LZTS1: variants seen among roughly 807,000 people sequenced by gnomAD.
LZTS1 encodes leucine zipper putative tumor suppressor 1.
LZTS1 carries 31 observed loss-of-function variants against 45.8 expected under a neutral mutation model. The ratio of observed to expected loss-of-function variants is 0.68; its 90% CI spans 0.51 to 0.91. LZTS1 has a LOEUF of 0.91. Ranked by LOEUF, LZTS1 falls within the 40% of genes least tolerant of loss-of-function variation. LZTS1 has a pLI of 0.00. For synonymous variants in LZTS1, 359 were observed against 357.3 expected (o/e 1.00, Z -0.05); for missense variants, 821 against 788.9 (o/e 1.04, Z -0.49).
intron 1 of LZTS1, among the ~76,000 whole-genome samples, chr8:20,260,614 T>C (rs1393950594): frequency 6.6e-6 from 1 of 152,122 alleles, no homozygotes; most frequent in Non-Finnish European, 1.5e-5. Context: ...AGAGGAGGAA[T>C]CAAAAGCAGA....
At chr8:20,296,235 G>A (rs1408090497) in intron 1 of LZTS1, among the ~76,000 whole-genome samples, 1 of 152,184 alleles carries the variant, frequency 6.6e-6, no homozygotes, top group Admixed American at 6.5e-5. Flanking sequence ...CCTTGGGCGG[G>A]GATGGCCTCA....
intron 1 of LZTS1, among the ~76,000 whole-genome samples, chr8:20,291,491 A>G (rs1199835010): frequency 2.0e-5 from 3 of 152,224 alleles, no homozygotes; most frequent in Non-Finnish European, 4.4e-5. Flanking sequence ...AATTTTCATA[A>G]AAATTCTATA....
At chr8:20,267,398 T>G (rs1800382984) in intron 1 of LZTS1, among the ~76,000 whole-genome samples, 1 of 152,184 alleles carries the variant, frequency 6.6e-6, no homozygotes, top group Non-Finnish European at 1.5e-5. Context: ...GCCTCACTCC[T>G]GCTCTGGGAC....
intron 1 of LZTS1, among the ~76,000 whole-genome samples, chr8:20,267,868 C>G (rs1800393338): frequency 6.6e-6 from 1 of 152,116 alleles, no homozygotes; most frequent in African/African-American, 2.4e-5. Context: ...AGGCCCTAGA[C>G]AAAAGATCCC....
intron 1 of LZTS1, among the ~76,000 whole-genome samples, chr8:20,260,530 G>A (rs927613430): frequency 6.6e-6 from 1 of 152,202 alleles, no homozygotes; most frequent in Non-Finnish European, 1.5e-5. Flanking sequence ...GGGACTGTAG[G>A]TGAGGCCCAG....
At chr8:20,270,073 CA>C (rs1268582385) in intron 1 of LZTS1, among the ~76,000 whole-genome samples, 1 of 152,254 alleles carries the variant, frequency 6.6e-6, no homozygotes, top group African/African-American at 2.4e-5. Flanking sequence ...GCGTCCCAGG[CA>C]GTCAAATGCG....
chr8:20,251,491 A>C (rs758015148), intron 3 of LZTS1, among the ~76,000 whole-genome samples: 2 of 152,196 alleles, frequency 1.3e-5, no homozygotes, highest in Non-Finnish European at 2.9e-5. Flanking sequence ...CTGTAGAGCC[A>C]CATGCTCTGG....
chr8:20,255,510 C>T (rs1317615316), intron 1 of LZTS1, among the ~76,000 whole-genome samples, 195 bp from the exon 2 acceptor site: 2 of 152,170 alleles, frequency 1.3e-5, no homozygotes, highest in Non-Finnish European at 2.9e-5. Context: ...TTCATGCAAG[C>T]CTCTACTCTA....
At chr8:20,299,793 C>A (rs1222585587) in intron 1 of LZTS1, among the ~76,000 whole-genome samples, 1 of 152,322 alleles carries the variant, frequency 6.6e-6, no homozygotes, top group East Asian at 1.9e-4. Flanking sequence ...CTCTCAACTG[C>A]AAGCCTAGGA....
At chr8:20,281,456 T>C (rs1212416681) in intron 1 of LZTS1, among the ~76,000 whole-genome samples, 2 of 151,332 alleles carry the variant, frequency 1.3e-5, no homozygotes, top group African/African-American at 4.9e-5. Context: ...ACCTGTAATC[T>C]CAGCTACTCG....
chr8:20,277,673 G>A (rs1429353459), intron 1 of LZTS1, among the ~76,000 whole-genome samples: 1 of 152,190 alleles, frequency 6.6e-6, no homozygotes, highest in Admixed American at 6.5e-5. Flanking sequence ...GGAGGAAGTA[G>A]GGTGGGGTGT....
chr8:20,252,671 G>T, intron 3 of LZTS1, 111 bp downstream of exon 3: 2 of 932,574 alleles, frequency 2.1e-6, no homozygotes, highest in Non-Finnish European at 3.0e-6. Flanking sequence ...CATTAGCCCC[G>T]CTTGCCTGCG....
In LZTS1 at chr8:20,252,786, C is replaced by T; in HGVS notation, c.1145G>A (p.Trp382Ter). Residue 382 changes from tryptophan to a stop codon, truncating the protein, a stop_gained, in exon 3 of 4, where the codon TGG becomes TAG. Coordinates refer to ENST00000381569, the MANE Select transcript of LZTS1 (RefSeq NM_021020.5). LOFTEE classifies it high-confidence loss of function. ...ATGAGCCCTGTGTGGCCTCACCTCC[C>T]ACTGGGTCTCCTCCAGCGCGGGGCC... ...SFGPALEETQ[W>*]EVCQKSGEIS... The T allele has an allele frequency of 1.3e-6, 2 of 1,514,706 alleles. No individual in the cohort carries two copies. Among genetic ancestry groups the T allele is most frequent in the Non-Finnish European group, 1.8e-6 (2 of 1,131,186 alleles). The allele number at this position is 1,514,706 out of a possible 1,614,324, so 93.8% of individuals were successfully genotyped here.
At chr8:20,266,559 C>G (rs182898530) in intron 1 of LZTS1, among the ~76,000 whole-genome samples, 18 of 152,028 alleles carry the variant, frequency 1.2e-4, no homozygotes, top group Non-Finnish European at 1.8e-4. Flanking sequence ...GCATCCACCC[C>G]CTTCCTCAAC....
At position 20,247,067 on chromosome 8, in the gene LZTS1, G is replaced by A. The variant is rs1799752427; in HGVS notation, c.*2655C>T. ...GGTCGCAGGATACTTGCATTCTAGT[G>A]CCACGGTGGGCCACTCTGGGGCGGG... On this transcript the variant is annotated 3_prime_UTR_variant, in exon 4 of 4. Coordinates refer to ENST00000381569, the MANE Select transcript of LZTS1 (RefSeq NM_021020.5). 1 of 152,448 alleles carries A rather than the reference G, an allele frequency of 6.6e-6. No homozygotes were observed. The highest frequency in any genetic ancestry group is 2.1e-4 in the South Asian group (1 of 4,832). 9.4% of individuals were successfully genotyped at this position (152,448 alleles called of 1,614,324 possible). A position where few individuals can be genotyped will look rare whatever the true frequency, so the allele number is the denominator to read the frequency against.
In LZTS1 at chr8:20,253,447, G is replaced by GCTC; in HGVS notation, c.481_483dup (p.Glu161dup). 1.2e-6 allele frequency: 2 copies of GCTC among 1,611,360 alleles called. No individual in the cohort carries two copies. The highest frequency in any genetic ancestry group is 8.5e-7 in the Non-Finnish European group (1 of 1,179,006). On this transcript the variant is annotated inframe_insertion, in exon 3 of 4. Transcript: ENST00000381569. ...GCCCCAGAGCACAGGCCAGGCTTCA[G>GCTC]CTCCTGCTCCTTGGGCTTGTCTGGA...
At position 20,289,062 on chromosome 8, in the gene LZTS1, CTT is replaced by C. The variant is rs1320281693; in HGVS notation, c.-135+14676_-135+14677del. ...CAGTGGGATTGCTTGGCCTCAAACT[CTT>C]TTTACATTTGTTTCCAACTTCACAA... On this transcript the variant is annotated intron_variant, in intron 1 of 3. Coordinates refer to ENST00000381569, the MANE Select transcript of LZTS1 (RefSeq NM_021020.5). 2.3e-5 allele frequency: 3 copies of C among 129,856 alleles called. No homozygotes were observed. In the East Asian group the frequency reaches 8.1e-4, roughly 35 times the overall value. 8.0% of individuals were successfully genotyped at this position (129,856 alleles called of 1,614,324 possible). A position where few individuals can be genotyped will look rare whatever the true frequency, so the allele number is the denominator to read the frequency against.
At chr8:20,294,813 A>T (rs1240935840) in intron 1 of LZTS1, among the ~76,000 whole-genome samples, 2 of 151,854 alleles carry the variant, frequency 1.3e-5, no homozygotes, top group African/African-American at 4.8e-5. Context: ...TGGGAGACAG[A>T]GGGGAGGGCA....
Position 20,303,934 on chromosome 8 carries a change from C to A in LZTS1, c.-329G>T. 1 of 981,894 alleles carries A rather than the reference C, an allele frequency of 1.0e-6. No homozygotes were observed. Among genetic ancestry groups the A allele is most frequent in the Non-Finnish European group, 1.2e-6 (1 of 827,836 alleles). The allele number at this position is 981,894 out of a possible 1,614,324, so 60.8% of individuals were successfully genotyped here. On this transcript the variant is annotated 5_prime_UTR_variant, in exon 1 of 4. Coordinates refer to ENST00000381569, the MANE Select transcript of LZTS1 (RefSeq NM_021020.5). Reference sequence around the variant, plus strand: ...GGCCTCCCCGCCCGGCCGCTGCCAACCCGCCAGCTCCAGGCGCGCCGGCCT... The same window carrying A: ...GGCCTCCCCGCCCGGCCGCTGCCAAACCGCCAGCTCCAGGCGCGCCGGCCT...
Sources: gnomAD v4.1 joint callset for allele counts (sites outside exome capture counted in the v4.1 genomes callset) on GRCh38, gnomAD v4.1.1 for gene constraint, MANE v1.5 for transcripts, NCBI Gene and HGNC (gene_info 2026-07-23, HGNC 2026-07-21) for gene names.